Variants in CRYBG1 observed in about 807,000 individuals in gnomAD.
CRYBG1 encodes the protein beta/gamma crystallin domain-containing protein 1.
In CRYBG1, 139 loss-of-function variants were observed where a neutral mutation model predicts 189.2. The ratio of observed to expected loss-of-function variants is 0.73; its 90% CI spans 0.64 to 0.85. CRYBG1 has a LOEUF of 0.85. Ranked by LOEUF, CRYBG1 falls within the 40% of genes least tolerant of loss-of-function variation. CRYBG1 has a pLI of 0.00. For missense variants in CRYBG1, 2,611 were observed against 2,675.8 expected, an observed-to-expected ratio of 0.98 and a Z score of 0.53; for synonymous variants, 1,023 against 1,017.1, an observed-to-expected ratio of 1.01 and a Z score of -0.11.
In CRYBG1 at chr6:106,520,727, G is replaced by A. The variant is rs200098719; in HGVS notation, c.3519G>A (p.Pro1173=). The A allele has an allele frequency of 3.7e-5, 59 of 1,614,064 alleles. No individual in the cohort carries two copies. Among genetic ancestry groups the A allele is most frequent in the South Asian group, 3.6e-4 (33 of 91,074 alleles). The part of the protein sequence containing the change: ...KKKESQPEMS[P]ALHLMQNLDT... ...AGGAAAGTCAGCCAGAAATGTCACC[G>A]GCTTTACATTTGATGCAGAACCTTG... The change falls in exon 4 of 22, where the codon CCG becomes CCA. Residue 1173 remains proline (P), a synonymous_variant. Coordinates refer to ENST00000633556, the MANE Select transcript of CRYBG1 (RefSeq NM_001371242.2).
intron 2 of CRYBG1, among the ~76,000 whole-genome samples, chr6:106,460,023 T>G (rs1771973613): frequency 6.6e-6 from 1 of 152,200 alleles, no homozygotes; most frequent in Non-Finnish European, 1.5e-5. Flanking sequence ...TGTTTTTGTT[T>G]GTTTGTTTGT....
chr6:106,440,155 A>G (rs2114419812), intron 1 of CRYBG1, among the ~76,000 whole-genome samples: 1 of 146,612 alleles, frequency 6.8e-6, no homozygotes, highest in East Asian at 2.0e-4. Context: ...TCTGCCCTCT[A>G]CTCTCCCTCA....
At chr6:106,561,260 G>A in intron 19 of CRYBG1, 82 bp from the exon 20 acceptor site, 1 of 1,439,886 alleles carries the variant, frequency 6.9e-7, no homozygotes. Context: ...ATCTCACTTT[G>A]GATTCTTCCT....
intron 2 of CRYBG1, among the ~76,000 whole-genome samples, chr6:106,478,575 A>T (rs1772381938): frequency 6.6e-6 from 1 of 152,206 alleles, no homozygotes; most frequent in Non-Finnish European, 1.5e-5. Flanking sequence ...TATACAACAC[A>T]TGTAAGTGCC....
intron 1 of CRYBG1, among the ~76,000 whole-genome samples, chr6:106,385,753 G>C (rs1770375149): frequency 6.6e-6 from 1 of 152,082 alleles, no homozygotes. Context: ...ATCTAGTTAT[G>C]GTGCTAGCCC....
Position 106,552,195 on chromosome 6 carries a change from TG to T in CRYBG1, c.5453del (p.Gly1818AlafsTer86). ...VQPICLDSFT[G>X]PRRRNQIHLF... is the part of the protein sequence containing the mutation. ...TTAAAAATTTTTAGGATTCTTTCAC[TG>T]GCCCAAGGAGACGAAATCAGGTAAC... On this transcript the variant is annotated frameshift_variant, in exon 15 of 22. Coordinates refer to ENST00000633556, the MANE Select transcript of CRYBG1 (RefSeq NM_001371242.2). LOFTEE classifies it high-confidence loss of function. The T allele has an allele frequency of 1.3e-6, 2 of 1,581,764 alleles. No homozygotes were observed. Among genetic ancestry groups the T allele is most frequent in the African/African-American group, 1.4e-5 (1 of 73,614 alleles).
intron 1 of CRYBG1, among the ~76,000 whole-genome samples, chr6:106,442,438 T>C (rs1226609090): frequency 6.6e-6 from 1 of 152,120 alleles, no homozygotes; most frequent in Non-Finnish European, 1.5e-5. Flanking sequence ...GTAAACAAAA[T>C]AGGCAGATGA....
intron 2 of CRYBG1, among the ~76,000 whole-genome samples, chr6:106,482,730 G>A (rs894834108): frequency 5.9e-5 from 9 of 152,034 alleles, no homozygotes; most frequent in African/African-American, 2.2e-4. Context: ...AGCTGAAATC[G>A]TGCCACTGCA....
chr6:106,555,192 G>GA lies in CRYBG1; in HGVS notation c.5586-562dup, dbSNP rs71012714. Among the ~76,000 whole-genome samples the GA allele has an allele frequency of 4.5e-3, 642 of 143,266 alleles. 6 individuals are homozygous for GA. The highest frequency in any genetic ancestry group is 0.016 in the African/African-American group (613 of 38,142). 94.0% of individuals were successfully genotyped at this position (143,266 alleles called of 152,430 possible). A position where few individuals can be genotyped will look rare whatever the true frequency, so the allele number is the denominator to read the frequency against. On this transcript the variant is annotated intron_variant, in intron 16 of 21. Transcript: ENST00000633556. ...CGCCACCAAAAGAAAAGAAAAAAAG[G>GA]AAAAAAAAAAAAAAGGCCCACAAAC...
chr6:106,423,949 C>T (rs763419668), intron 1 of CRYBG1, among the ~76,000 whole-genome samples: 3 of 152,050 alleles, frequency 2.0e-5, no homozygotes, highest in Non-Finnish European at 2.9e-5. Flanking sequence ...AAGCAATCTG[C>T]GCACCTCGGC....
chr6:106,508,072 C>T (rs540201811), intron 2 of CRYBG1, among the ~76,000 whole-genome samples: 44 of 152,282 alleles, frequency 2.9e-4, no homozygotes, highest in Non-Finnish European at 5.0e-4. Context: ...CATGGTGAAA[C>T]TCTCTACAAA....
chr6:106,362,595 G>C (rs555072501), intron 1 of CRYBG1, among the ~76,000 whole-genome samples: 1 of 152,138 alleles, frequency 6.6e-6, no homozygotes, highest in African/African-American at 2.4e-5. Flanking sequence ...CCTGAGAAGC[G>C]CAAGTGGTTG....
At position 106,462,924 on chromosome 6, in the gene CRYBG1, C is replaced by T. The variant is rs866226197; in HGVS notation, c.312+11092C>T. Among the ~76,000 whole-genome samples the T allele has an allele frequency of 2.0e-5, 3 of 152,228 alleles. No individual in the cohort carries two copies. The Middle Eastern group carries it at 0.01, about 518-fold the overall frequency. ...ATCCCAGCAGTTTGGGAAACCAAAG[C>T]GGGAGGATTGCTTGAGGCCAGGAGT... On this transcript the variant is annotated intron_variant, in intron 2 of 21. Coordinates refer to ENST00000633556, the MANE Select transcript of CRYBG1 (RefSeq NM_001371242.2).
intron 1 of CRYBG1, among the ~76,000 whole-genome samples, chr6:106,417,163 A>T (rs1771036943): frequency 6.7e-6 from 1 of 149,546 alleles, no homozygotes; most frequent in South Asian, 2.1e-4. Context: ...CACCATGCTC[A>T]GTTATTTTTT....
chr6:106,528,298 T>C (rs2114552329), intron 7 of CRYBG1, among the ~76,000 whole-genome samples: 1 of 152,312 alleles, frequency 6.6e-6, no homozygotes, highest in East Asian at 1.9e-4. Flanking sequence ...TAAGTAAGAC[T>C]TGAGAAACCC....
intron 1 of CRYBG1, among the ~76,000 whole-genome samples, chr6:106,362,006 T>C (rs1771883494): frequency 6.7e-6 from 1 of 149,598 alleles, no homozygotes; most frequent in Non-Finnish European, 1.5e-5. Flanking sequence ...AGTCTTGCTC[T>C]GTCACCCAGG....
At chr6:106,530,439 G>T in intron 8 of CRYBG1, 124 bp downstream of exon 8, 7 of 899,050 alleles carry the variant, frequency 7.8e-6, no homozygotes, top group East Asian at 2.7e-5. Flanking sequence ...TAACTGTAAG[G>T]TATATTTTTA....
At position 106,483,404 on chromosome 6, in the gene CRYBG1, AAC is replaced by A. The variant is rs1562082737; in HGVS notation, c.313-28024_313-28023del. ...TATATATATATAGATATATATATAA[AAC>A]ATTTTCTTTATCTACTTATTTATTG... On this transcript the variant is annotated intron_variant, in intron 2 of 21. Transcript: ENST00000633556. Among the ~76,000 whole-genome samples the A allele has an allele frequency of 1.2e-4, 15 of 127,294 alleles. No individual in the cohort carries two copies. In the East Asian group the frequency reaches 4.0e-3, roughly 34 times the overall value. The allele number at this position is 127,294 out of a possible 152,430, so 83.5% of individuals were successfully genotyped here.
Position 106,388,199 on chromosome 6 carries a change from C to T in CRYBG1, c.173+27118C>T, listed in dbSNP as rs376316323. 1.6e-3 allele frequency among the ~76,000 whole-genome samples: 251 copies of T among 152,294 alleles called. 10 individuals carry two copies. In the South Asian group the frequency reaches 0.051, roughly 31 times the overall value. On this transcript the variant is annotated intron_variant, in intron 1 of 21. Transcript: ENST00000633556. ...GTAGAGGGGTAAATCACGTGCACTTCTTTTCTATGTATGTTGAAAAACTTC... is the reference window on the plus strand; with the variant it reads ...GTAGAGGGGTAAATCACGTGCACTTTTTTTCTATGTATGTTGAAAAACTTC...
Sources: gnomAD v4.1 joint callset for allele counts (sites outside exome capture counted in the v4.1 genomes callset) on GRCh38, gnomAD v4.1.1 for gene constraint, MANE v1.5 for transcripts, NCBI Gene and HGNC (gene_info 2026-07-23, HGNC 2026-07-21) for gene names.